The following EPB41L1 variants were observed in gnomAD, a reference collection of about 807,000 sequenced individuals.
The protein encoded by EPB41L1 is band 4.1-like protein 1.
EPB41L1 carries 29 observed loss-of-function variants against 97.8 expected under a neutral mutation model. That is an observed-to-expected ratio of 0.30 (90% CI 0.22 to 0.40). The LOEUF is 0.40. Ranked by LOEUF, EPB41L1 falls within the 10% of genes least tolerant of loss-of-function variation. The probability of loss-of-function intolerance (pLI) is 1.00; values close to 1 mark genes in which losing one functional copy is unlikely to be tolerated. For synonymous variants in EPB41L1, 383 were observed against 459.2 expected, an observed-to-expected ratio of 0.83 and a Z score of 2.12; for missense variants, 812 against 1,162.3, an observed-to-expected ratio of 0.70 and a Z score of 4.38.
intron 1 of EPB41L1, among the ~76,000 whole-genome samples, chr20:36,100,330 C>T (rs1039149870): frequency 6.6e-5 from 10 of 152,128 alleles, no homozygotes; most frequent in African/African-American, 2.4e-4. Flanking sequence ...CTCCCCTTCC[C>T]TCTCCCCACC....
intron 4 of EPB41L1, 40 bp from the exon 5 acceptor site, chr20:36,178,590 C>A: frequency 6.2e-7 from 1 of 1,605,844 alleles, no homozygotes; most frequent in Non-Finnish European, 8.5e-7. Context: ...CAGGTCCTTT[C>A]CTGCGTCTTC....
chr20:36,182,787 T>C (rs1048071846), intron 6 of EPB41L1, among the ~76,000 whole-genome samples: 4 of 152,182 alleles, frequency 2.6e-5, no homozygotes, highest in Admixed American at 2.6e-4. Flanking sequence ...GGGTGGGACA[T>C]ACCAAACCCA....
chr20:36,155,454 C>T (rs1600641925), intron 1 of EPB41L1: 5 of 385,414 alleles, frequency 1.3e-5, no homozygotes, highest in Non-Finnish European at 2.1e-5. Flanking sequence ...GGCCAGTGAC[C>T]GTCCCCTGAT....
rs1380255524 is a variant in EPB41L1 at position 36,188,627 on chromosome 20, CACACACACACACACAGAG to C, written c.1026+130_1026+147del. Reference sequence around the variant, plus strand: ...ACACACACACACACACACACACACACACACACACACACACAGAGAGAGAGAGAGAGAGAGAGAGAGAGG... The same window carrying C: ...ACACACACACACACACACACACACACAGAGAGAGAGAGAGAGAGAGAGAGG... On this transcript the variant is annotated intron_variant, in intron 9 of 21. Transcript: ENST00000338074. The C allele has an allele frequency of 9.9e-4, 669 of 676,886 alleles. 5 individuals carry two copies. In the East Asian group the frequency reaches 0.016, roughly 17 times the overall value. The allele number at this position is 676,886 out of a possible 1,614,324, so 41.9% of individuals were successfully genotyped here.
intron 21 of EPB41L1, among the ~76,000 whole-genome samples, chr20:36,223,366 G>A (rs984168584): frequency 1.3e-5 from 2 of 152,326 alleles, no homozygotes; most frequent in Middle Eastern, 6.8e-3. Flanking sequence ...ACCTGCAGGA[G>A]CCAAAATCTT....
Position 36,206,895 on chromosome 20 carries a change from G to A in EPB41L1, c.1669-2593G>A. On this transcript the variant is annotated intron_variant, in intron 14 of 21. Coordinates refer to ENST00000338074, the MANE Select transcript of EPB41L1 (RefSeq NM_012156.2). The surrounding 1 kb of genome is among the most constrained non-coding windows in gnomAD (Gnocchi z 5.5). ...AGAAGCACCCTCCTCACAGAGGACAGGGCGTGCATCCCGACCCCCAGGCCT... is the reference window on the plus strand; with the variant it reads ...AGAAGCACCCTCCTCACAGAGGACAAGGCGTGCATCCCGACCCCCAGGCCT... The A allele has an allele frequency of 7.8e-7, 1 of 1,289,934 alleles. No individual in the cohort carries two copies. The highest frequency in any genetic ancestry group is 1.0e-6 in the Non-Finnish European group (1 of 988,894). 79.9% of individuals were successfully genotyped at this position (1,289,934 alleles called of 1,614,324 possible). A position where few individuals can be genotyped will look rare whatever the true frequency, so the allele number is the denominator to read the frequency against.
rs182095891 is a variant in EPB41L1 at position 36,214,285 on chromosome 20, C to T, written c.2185-72C>T. On this transcript the variant is annotated intron_variant, in intron 16 of 21. Coordinates refer to ENST00000338074, the MANE Select transcript of EPB41L1 (RefSeq NM_012156.2). Reference sequence around the variant, plus strand: ...GCCTGTCACTTTGTAACTGGGAGGCCGTGAGCCCAGGTGACAGATGCTGCA... The same window carrying T: ...GCCTGTCACTTTGTAACTGGGAGGCTGTGAGCCCAGGTGACAGATGCTGCA... 611 of 1,252,986 alleles carry T rather than the reference C, an allele frequency of 4.9e-4. 5 individuals are homozygous for T. Among genetic ancestry groups the T allele is most frequent in the Admixed American group, 4.7e-3 (263 of 56,012 alleles). 77.6% of individuals were successfully genotyped at this position (1,252,986 alleles called of 1,614,324 possible).
Position 36,209,476 on chromosome 20 carries a change from A to T in EPB41L1, c.1669-12A>T. The T allele has an allele frequency of 6.2e-7, 1 of 1,612,016 alleles. No individual in the cohort carries two copies. Among genetic ancestry groups the T allele is most frequent in the Non-Finnish European group, 8.5e-7 (1 of 1,178,820 alleles). ...CCCACATCCCCATTCTTTTGATTTT[A>T]TCTGGCCATAGAGAGCAGGGCTGAG... On this transcript the variant is annotated splice_polypyrimidine_tract_variant and intron_variant, in intron 14 of 21. Coordinates refer to ENST00000338074, the MANE Select transcript of EPB41L1 (RefSeq NM_012156.2). This position sits in a 1 kb window ranked among gnomAD's most constrained non-coding sequence, Gnocchi z 4.2.
At chr20:36,095,197 C>G (rs1189001593) in intron 1 of EPB41L1, among the ~76,000 whole-genome samples, 1 of 152,174 alleles carries the variant, frequency 6.6e-6, no homozygotes, top group Non-Finnish European at 1.5e-5. Context: ...GCTTTGAACT[C>G]CTGACCTCAG....
At chr20:36,159,322 A>T (rs2060437193) in intron 1 of EPB41L1, among the ~76,000 whole-genome samples, 1 of 152,244 alleles carries the variant, frequency 6.6e-6, no homozygotes. Flanking sequence ...TAAGTGTCCA[A>T]CAATAGGAAG....
Position 36,207,227 on chromosome 20 carries a change from A to G in EPB41L1, c.1669-2261A>G. On this transcript the variant is annotated intron_variant, in intron 14 of 21. Transcript: ENST00000338074. The surrounding 1 kb of genome is among the most constrained non-coding windows in gnomAD (Gnocchi z 4.9). ...GTCCATCTTTCGAAAGCCAGCCCAG[A>G]GCCCAAGGACCAAGTAGGGTTTGTG... 7.8e-7 allele frequency: 1 copy of G among 1,282,364 alleles called. No individual in the cohort carries two copies. The highest frequency in any genetic ancestry group is 1.0e-6 in the Non-Finnish European group (1 of 984,102). 79.4% of individuals were successfully genotyped at this position (1,282,364 alleles called of 1,614,324 possible). A position where few individuals can be genotyped will look rare whatever the true frequency, so the allele number is the denominator to read the frequency against.
chr20:36,214,912 G>A (rs1229450688), intron 17 of EPB41L1, among the ~76,000 whole-genome samples: 1 of 151,662 alleles, frequency 6.6e-6, no homozygotes, highest in Non-Finnish European at 1.5e-5. Context: ...GGATTTTTGG[G>A]ACCTCCCTAT....
At position 36,206,767 on chromosome 20, in the gene EPB41L1, GGA is replaced by G. The variant is rs1237599138; in HGVS notation, c.1669-2717_1669-2716del. On this transcript the variant is annotated intron_variant, in intron 14 of 21. Coordinates refer to ENST00000338074, the MANE Select transcript of EPB41L1 (RefSeq NM_012156.2). This position sits in a 1 kb window ranked among gnomAD's most constrained non-coding sequence, Gnocchi z 5.5. ...GGAAGATGCCCAGTGGGGAGTGGAA[GGA>G]GAGTTTCCCCACCTGACAGCCAGCG... 1 of 1,289,876 alleles carries G rather than the reference GGA, an allele frequency of 7.8e-7. No homozygotes were observed. The highest frequency in any genetic ancestry group is 2.3e-5 in the Admixed American group (1 of 43,574). 79.9% of individuals were successfully genotyped at this position (1,289,876 alleles called of 1,614,324 possible).
At position 36,232,616 on chromosome 20, in the gene EPB41L1, A is replaced by AT. The variant is rs147818728; in HGVS notation, c.*3286dup. ...TGCATGAGCAACATCACTCGAAATA[A>AT]TTTTTTTTTTCAAAAGCACCTTAAC... is the stretch of plus-strand genomic sequence containing the variant. On this transcript the variant is annotated 3_prime_UTR_variant, in exon 22 of 22. Transcript: ENST00000338074. 5.0e-3 allele frequency: 1,954 copies of AT among 387,006 alleles called. 41 individuals carry two copies. Among genetic ancestry groups the AT allele is most frequent in the African/African-American group, 0.037 (1,776 of 47,852 alleles). 24.0% of individuals were successfully genotyped at this position (387,006 alleles called of 1,614,324 possible).
At chr20:36,201,902 C>G (rs1035287080) in intron 14 of EPB41L1, among the ~76,000 whole-genome samples, 1 of 152,190 alleles carries the variant, frequency 6.6e-6, no homozygotes, top group Non-Finnish European at 1.5e-5. Context: ...CTCTGAGGGC[C>G]TGTACCTTTC....
rs1393020015 is a variant in EPB41L1 at position 36,093,142 on chromosome 20, T to C, written c.-65+1530T>C. ...CTGTGTGTGCGTGTGTGAGGGTGTGTGCCTTGCGTGTCTTCGCGAGTGGTG... is the reference window on the plus strand; with the variant it reads ...CTGTGTGTGCGTGTGTGAGGGTGTGCGCCTTGCGTGTCTTCGCGAGTGGTG... On this transcript the variant is annotated intron_variant, in intron 1 of 19. Transcript: ENST00000202028. The surrounding 1 kb of genome is among the most constrained non-coding windows in gnomAD (Gnocchi z 5.4). 6.6e-6 allele frequency among the ~76,000 whole-genome samples: 1 copy of C among 151,000 alleles called. No homozygotes were observed. The highest frequency in any genetic ancestry group is 2.0e-4 in the East Asian group (1 of 5,112).
At position 36,218,899 on chromosome 20, in the gene EPB41L1, G is replaced by T. The variant is rs2063602524; in HGVS notation, c.2292G>T (p.Lys764Asn). 5 of 1,614,052 alleles carry T rather than the reference G, an allele frequency of 3.1e-6. No individual in the cohort carries two copies. The highest frequency in any genetic ancestry group is 4.2e-6 in the Non-Finnish European group (5 of 1,180,034). Residue 764 changes from lysine (K) to asparagine (N), a missense_variant, in exon 18 of 22, where the codon AAG becomes AAT. Transcript: ENST00000338074. The part of the protein sequence containing the change: ...TTMENSLKSG[K>N]GAAAMIPGPQ... ...AGGAGAACAGTCTCAAGTCCGGGAA[G>T]GGGGCAGCTGCCATGATCCCAGGCC...
chr20:36,144,175 C>G (rs2059751773), intron 2 of EPB41L1, among the ~76,000 whole-genome samples: 1 of 152,088 alleles, frequency 6.6e-6, no homozygotes, highest in Non-Finnish European at 1.5e-5. Flanking sequence ...TAGAACTGCG[C>G]TAGTCCAACC....
chr20:36,150,874 G>A (rs573390669), upstream of EPB41L1: 7 of 152,318 alleles, frequency 4.6e-5, no homozygotes, highest in East Asian at 1.3e-3. Context: ...GGCCTGGCTT[G>A]GTGTGAGCAT....
Sources: allele counts gnomAD v4.1 joint callset (sites outside exome capture counted in the v4.1 genomes callset), GRCh38; gene constraint gnomAD v4.1.1; non-coding constraint Gnocchi (gnomAD v3.1); transcripts MANE v1.5; gene names NCBI Gene and HGNC (gene_info 2026-07-23, HGNC 2026-07-21).